The following CUX1 variants were observed in gnomAD, a reference collection of about 807,000 sequenced individuals.
The protein encoded by CUX1 is cut like homeobox 1, also known as protein CASP.
In CUX1, 31 loss-of-function variants were observed where a neutral mutation model predicts 158.8. The observed-to-expected ratio is 0.20, with a 90% CI of 0.15 to 0.26. The LOEUF (loss-of-function observed/expected upper bound fraction) is 0.26. Among genes scored for constraint, CUX1 ranks in the 10% least tolerant of loss-of-function variants. The probability of loss-of-function intolerance (pLI) is 1.00; values close to 1 mark genes in which losing one functional copy is unlikely to be tolerated. For synonymous variants in CUX1, 879 were observed against 862.1 expected (o/e 1.02, Z -0.34); for missense variants, 1,589 against 2,014.6 (o/e 0.79, Z 4.04).
intron 4 of CUX1, among the ~76,000 whole-genome samples, chr7:102,089,164 G>A (rs781946288): frequency 6.6e-6 from 1 of 151,858 alleles, no homozygotes; most frequent in Non-Finnish European, 1.5e-5. Flanking sequence ...CATACTTTAA[G>A]CTTCAGAATT....
At chr7:102,150,685 C>G (rs561070107) in intron 8 of CUX1, among the ~76,000 whole-genome samples, 2 of 152,310 alleles carry the variant, frequency 1.3e-5, no homozygotes, top group East Asian at 3.9e-4. Context: ...GAATTTCCAG[C>G]GTGGATATAA....
intron 1 of CUX1, among the ~76,000 whole-genome samples, chr7:101,845,469 T>C (rs767286076): frequency 6.6e-6 from 1 of 152,146 alleles, no homozygotes; most frequent in Non-Finnish European, 1.5e-5. Context: ...TGAAATACTG[T>C]CTGTGTATAG....
At chr7:101,865,766 G>A (rs977787631) in intron 1 of CUX1, among the ~76,000 whole-genome samples, 2 of 152,326 alleles carry the variant, frequency 1.3e-5, no homozygotes, top group East Asian at 1.9e-4. Context: ...TTAAGCTAAC[G>A]TTTTATGGTT....
At chr7:101,982,016 TAAGC>T (rs1813512024) in intron 2 of CUX1, among the ~76,000 whole-genome samples, 2 of 152,052 alleles carry the variant, frequency 1.3e-5, no homozygotes, top group Non-Finnish European at 2.9e-5. Flanking sequence ...TGGCCTAAAA[TAAGC>T]AAGCAGAAAA....
intron 1 of CUX1, among the ~76,000 whole-genome samples, chr7:101,829,506 C>T (rs1196161440): frequency 6.6e-6 from 1 of 152,130 alleles, no homozygotes; most frequent in African/African-American, 2.4e-5. Flanking sequence ...ACATCCCGGA[C>T]TTTGCTGAGC....
chr7:102,128,001 C>A (rs781892779), intron 8 of CUX1, among the ~76,000 whole-genome samples: 15 of 152,214 alleles, frequency 9.9e-5, no homozygotes, highest in Admixed American at 3.3e-4. Flanking sequence ...GTGTGTGCCA[C>A]CACGCCCAGT....
chr7:102,242,330 C>T lies in CUX1; in HGVS notation c.3887+2746C>T, dbSNP rs1333736942. On this transcript the variant is annotated intron_variant, in intron 23 of 23. Transcript: ENST00000292535. The stretch of plus-strand genomic sequence containing the variant: ...AGGTTCAAGCTTCTCCTGCCTCAGC[C>T]TCCTGAGTAGCTGAAATTATAGGCA... 2.6e-5 allele frequency among the ~76,000 whole-genome samples: 4 copies of T among 151,216 alleles called. 1 individual carries two copies. Among genetic ancestry groups the T allele is most frequent in the Admixed American group, 1.3e-4 (2 of 15,140 alleles).
At chr7:102,056,139 T>C (rs1272010952) in intron 3 of CUX1, among the ~76,000 whole-genome samples, 1 of 152,204 alleles carries the variant, frequency 6.6e-6, no homozygotes, top group Non-Finnish European at 1.5e-5. Context: ...TTTATCTCCA[T>C]AATACAAAAG....
rs183593999 is a variant in CUX1, at chr7:102,130,549, C to T, written c.674+15276C>T. ...CACAAAAATTAGCTGGGCGTGGTGA[C>T]GGGAGCTTGTAATCCCAGCTACTTG... On this transcript the variant is annotated intron_variant, in intron 8 of 23. Transcript: ENST00000292535. Among the ~76,000 whole-genome samples the T allele has an allele frequency of 1.9e-3, 281 of 151,750 alleles. 1 individual carries two copies. The highest frequency in any genetic ancestry group is 6.4e-3 in the African/African-American group (266 of 41,346).
At chr7:102,022,080 G>C (rs1819441025) in intron 2 of CUX1, among the ~76,000 whole-genome samples, 1 of 152,160 alleles carries the variant, frequency 6.6e-6, no homozygotes, top group South Asian at 2.1e-4. Flanking sequence ...CATGGGAATT[G>C]GGAGCACGAG....
In CUX1 at chr7:102,251,508, GA is replaced by G; in HGVS notation, c.*2467del. 1 of 985,434 alleles carries G rather than the reference GA, an allele frequency of 1.0e-6. No individual in the cohort carries two copies. Among genetic ancestry groups the G allele is most frequent in the Non-Finnish European group, 1.2e-6 (1 of 829,924 alleles). The allele number at this position is 985,434 out of a possible 1,614,324, so 61.0% of individuals were successfully genotyped here. On this transcript the variant is annotated 3_prime_UTR_variant, in exon 24 of 24. Transcript: ENST00000292535. ...TTTTCAGAAGGCTCTAGGGGGCTGG[GA>G]GGCAGGCTGTTCGTTTGTCTTTTGT...
intron 1 of CUX1, among the ~76,000 whole-genome samples, chr7:101,831,791 C>T (rs1794058240): frequency 6.6e-6 from 1 of 151,190 alleles, no homozygotes; most frequent in African/African-American, 2.4e-5. Context: ...GCCCAGGCTC[C>T]AGTACAGTGG....
chr7:101,984,496 C>CAAA (rs569101693), intron 2 of CUX1, among the ~76,000 whole-genome samples: 1,824 of 111,616 alleles, frequency 0.016, 48 homozygotes, highest in African/African-American at 0.064. Context: ...TGTTCTCCGG[C>CAAA]AAAAAAAAAA....
intron 2 of CUX1, among the ~76,000 whole-genome samples, chr7:102,002,005 G>C (rs1169117252): frequency 6.6e-6 from 1 of 152,204 alleles, no homozygotes; most frequent in Non-Finnish European, 1.5e-5. Context: ...TGTAAAACAA[G>C]ACAGTAAGCT....
chr7:102,055,609 A>G (rs575181363), intron 3 of CUX1, among the ~76,000 whole-genome samples: 2 of 152,276 alleles, frequency 1.3e-5, no homozygotes, highest in South Asian at 4.1e-4. Flanking sequence ...TACTCCACCA[A>G]CCAGCTGTTT....
chr7:102,200,351 CT>C (rs1203116907), intron 17 of CUX1, among the ~76,000 whole-genome samples, 179 bp downstream of exon 17: 1 of 151,264 alleles, frequency 6.6e-6, no homozygotes, highest in Non-Finnish European at 1.5e-5. Flanking sequence ...TAATAGTTAC[CT>C]TTTTTTTTGA....
intron 3 of CUX1, among the ~76,000 whole-genome samples, chr7:102,030,372 C>T (rs561355335): frequency 2.6e-5 from 4 of 152,062 alleles, no homozygotes; most frequent in African/African-American, 7.2e-5. Flanking sequence ...GTACCTCCCC[C>T]CTCCCCTCCC....
chr7:101,964,495 C>T (rs960736742), intron 2 of CUX1, among the ~76,000 whole-genome samples: 3 of 152,058 alleles, frequency 2.0e-5, no homozygotes, highest in African/African-American at 7.2e-5. Context: ...AGAATATATC[C>T]CGATTCTAAG....
chr7:102,116,049 A>C (rs1024356495), intron 8 of CUX1, among the ~76,000 whole-genome samples: 1 of 152,098 alleles, frequency 6.6e-6, no homozygotes, highest in Admixed American at 6.6e-5. Flanking sequence ...GGGTTTCCCT[A>C]TTCCAGTTAC....
Sources: gnomAD v4.1 joint callset for allele counts (sites outside exome capture counted in the v4.1 genomes callset) on GRCh38, gnomAD v4.1.1 for gene constraint, MANE v1.5 for transcripts, NCBI Gene and HGNC (gene_info 2026-07-23, HGNC 2026-07-21) for gene names.